Variants in ZNF365 observed in about 807,000 individuals in gnomAD.
ZNF365 encodes the protein zinc finger protein 365, also known as protein ZNF365.
Under a neutral mutation model 35.0 loss-of-function variants are expected in ZNF365, and 22 were observed. The observed-to-expected ratio is 0.63, with a 90% CI of 0.45 to 0.90. The LOEUF (loss-of-function observed/expected upper bound fraction) is 0.90, where lower values mean the gene tolerates loss of function less well. Among genes scored for constraint, ZNF365 ranks in the 40% least tolerant of loss-of-function variants. The pLI, the probability that ZNF365 is intolerant of heterozygous loss-of-function variation, is 0.00. For synonymous variants in ZNF365, 188 were observed against 196.2 expected, an observed-to-expected ratio of 0.96 and a Z score of 0.35; for missense variants, 448 against 500.3, an observed-to-expected ratio of 0.90 and a Z score of 1.00.
At chr10:62,471,778 A>G (rs1841043272) in intron 4 of ZNF365, among the ~76,000 whole-genome samples, 1 of 152,204 alleles carries the variant, frequency 6.6e-6, no homozygotes. Context: ...GAAAGAAAAC[A>G]TTATTTTGAA....
intron 3 of ZNF365, among the ~76,000 whole-genome samples, chr10:62,448,917 C>T (rs11597844): frequency 0.038 from 5,841 of 152,232 alleles, 173 homozygotes; most frequent in Middle Eastern, 0.078. Flanking sequence ...ATGGACTTAT[C>T]GATTATTATT....
chr10:62,400,870 T>G lies in ZNF365; in HGVS notation c.*1081T>G. The G allele has an allele frequency of 2.0e-6, 2 of 985,540 alleles. No homozygotes were observed. The highest frequency in any genetic ancestry group is 2.4e-6 in the Non-Finnish European group (2 of 829,926). 61.0% of individuals were successfully genotyped at this position (985,540 alleles called of 1,614,324 possible). On this transcript the variant is annotated 3_prime_UTR_variant, in exon 5 of 5. Coordinates refer to ENST00000395254, the MANE Select transcript of ZNF365 (RefSeq NM_014951.3). ...CCAAGTATCTGGAGTGTTCACTCTA[T>G]GTTGCATTCTAAAGTAATTTCTGAA...
In ZNF365 at chr10:62,399,542, C is replaced by T. The variant is rs147898988; in HGVS notation, c.977C>T (p.Pro326Leu). The T allele has an allele frequency of 2.2e-5, 35 of 1,614,030 alleles. 1 individual carries two copies. Among genetic ancestry groups the T allele is most frequent in the South Asian group, 1.8e-4 (16 of 91,060 alleles). Residue 326 changes from proline to leucine, a missense_variant, in exon 5 of 5, where the codon CCG becomes CTG. Coordinates refer to ENST00000395254, the MANE Select transcript of ZNF365 (RefSeq NM_014951.3). ...RKPKCLSRGH[P>L]HSVCNHPDLK... ...ACCCTCTGTAGAAGCCGAGGGCACC[C>T]GCATTCGGTATGTAACCACCCTGAT...
chr10:62,376,665 G>A lies in ZNF365; in HGVS notation c.472G>A (p.Glu158Lys), dbSNP rs779056410. The A allele has an allele frequency of 6.2e-6, 10 of 1,613,960 alleles. No homozygotes were observed. The highest frequency in any genetic ancestry group is 2.2e-5 in the East Asian group (1 of 44,896). The change falls in exon 2 of 5, where the codon GAG (glutamate) becomes AAG (lysine). Residue 158 changes from glutamate to lysine, a missense_variant. By Grantham distance (56) the Glu-to-Lys change is moderately conservative (BLOSUM62 1). This residue lies in a region of ZNF365 where 362 missense variants were observed against 375.7 expected (regional missense o/e 0.96). Transcript: ENST00000395254. ...CACCTCAGACACCAAAGCTTCTTTC[G>A]AGGCACATGTCAGAGAAAAATTCAA... ...LPTSDTKASF[E>K]AHVREKFNRM... is the part of the protein sequence containing the mutation.
In ZNF365 at chr10:62,475,263, T is replaced by A. The variant is rs1841110199; in HGVS notation, c.982-4613T>A. On this transcript the variant is annotated intron_variant, in intron 4 of 4. Transcript: ENST00000395255. ...TGTAATTGGGATGACTCAAATACAATAGAAAGACACTTTAAAGTCTGCAGT... is the reference window on the plus strand; with the variant it reads ...TGTAATTGGGATGACTCAAATACAAAAGAAAGACACTTTAAAGTCTGCAGT... 2.6e-5 allele frequency among the ~76,000 whole-genome samples: 4 copies of A among 152,102 alleles called. No individual in the cohort carries two copies. The South Asian group carries it at 8.3e-4, about 31-fold the overall frequency.
At chr10:62,422,248 C>G (rs1840180870) in intron 3 of ZNF365, among the ~76,000 whole-genome samples, 1 of 152,110 alleles carries the variant, frequency 6.6e-6, no homozygotes, top group African/African-American at 2.4e-5. Context: ...CTTGATGAAA[C>G]TTCTAGGGTT....
chr10:62,450,735 G>A (rs979783649), intron 3 of ZNF365, among the ~76,000 whole-genome samples: 1 of 152,180 alleles, frequency 6.6e-6, no homozygotes, highest in Admixed American at 6.5e-5. Flanking sequence ...CAGCTGATAT[G>A]GCATATGGAT....
chr10:62,389,583 G>A (rs986755449), intron 3 of ZNF365, among the ~76,000 whole-genome samples: 1 of 152,084 alleles, frequency 6.6e-6, no homozygotes, highest in Admixed American at 6.6e-5. Flanking sequence ...CTGGAAGCCA[G>A]GGTGAAAAGG....
intron 3 of ZNF365, among the ~76,000 whole-genome samples, chr10:62,442,164 T>C (rs1840512112): frequency 6.6e-6 from 1 of 152,098 alleles, no homozygotes; most frequent in Non-Finnish European, 1.5e-5. Context: ...GTACTTTTCG[T>C]TTTACTGGGG....
intron 2 of ZNF365, among the ~76,000 whole-genome samples, chr10:62,385,054 C>G (rs1839504711): frequency 6.6e-6 from 1 of 152,150 alleles, no homozygotes; most frequent in Admixed American, 6.5e-5. Context: ...CCTTTTTCAT[C>G]TAACAAAGAT....
intron 3 of ZNF365, among the ~76,000 whole-genome samples, chr10:62,411,263 T>C (rs1839980587): frequency 6.6e-6 from 1 of 152,204 alleles, no homozygotes; most frequent in Admixed American, 6.5e-5. Flanking sequence ...TATTTTGCTG[T>C]GCAGAAGCTC....
At chr10:62,478,565 A>AT (rs1035933641) in intron 4 of ZNF365, among the ~76,000 whole-genome samples, 4 of 152,102 alleles carry the variant, frequency 2.6e-5, no homozygotes, top group South Asian at 4.1e-4. Flanking sequence ...AGCAAGTGTC[A>AT]TTTTTTTGTT....
intron 3 of ZNF365, among the ~76,000 whole-genome samples, chr10:62,441,484 T>C (rs1840500737): frequency 6.6e-6 from 1 of 152,128 alleles, no homozygotes; most frequent in Non-Finnish European, 1.5e-5. Flanking sequence ...CATGATCTTA[T>C]TAGAAGTCAT....
intron 2 of ZNF365, among the ~76,000 whole-genome samples, chr10:62,378,666 G>A (rs998516126): frequency 6.6e-6 from 1 of 152,164 alleles, no homozygotes; most frequent in African/African-American, 2.4e-5. Context: ...GTTAAGTTCC[G>A]TAAATGTCCT....
chr10:62,413,237 T>G (rs4745963), intron 3 of ZNF365, among the ~76,000 whole-genome samples: 95,855 of 151,944 alleles, frequency 0.63, 30,970 homozygotes, highest in East Asian at 0.84. Flanking sequence ...GTGTTCCATG[T>G]ATCACTAGTT....
chr10:62,436,458 T>G (rs10128315), intron 3 of ZNF365, among the ~76,000 whole-genome samples: 108,787 of 152,028 alleles, frequency 0.72, 39,271 homozygotes, highest in Non-Finnish European at 0.77. Flanking sequence ...AGTTACACAA[T>G]AAAATTATAG....
intron 3 of ZNF365, among the ~76,000 whole-genome samples, chr10:62,408,847 C>T (rs1427233967): frequency 6.6e-6 from 1 of 152,048 alleles, no homozygotes; most frequent in Non-Finnish European, 1.5e-5. Flanking sequence ...GGTTTTGTAC[C>T]TTCATGCAAT....
downstream of ZNF365, chr10:62,402,525 A>T (rs1589437608): frequency 3.3e-6 from 3 of 903,108 alleles, no homozygotes; most frequent in South Asian, 1.0e-4. Context: ...AGGAAACAAA[A>T]TGGTCCTTCC....
At chr10:62,426,622 G>A (rs1018923345) in intron 3 of ZNF365, among the ~76,000 whole-genome samples, 2 of 152,122 alleles carry the variant, frequency 1.3e-5, no homozygotes, top group African/African-American at 4.8e-5. Context: ...GTAGAAGACA[G>A]GAGCAAGAGG....
Sources: gnomAD v4.1 joint callset for allele counts (sites outside exome capture counted in the v4.1 genomes callset) on GRCh38, gnomAD v4.1.1 for gene constraint, gnomAD v4.1.1 regional missense constraint, MANE v1.5 for transcripts, NCBI Gene and HGNC (gene_info 2026-07-23, HGNC 2026-07-21) for gene names.